The following MEGF11 variants were observed in gnomAD, a reference collection of about 807,000 sequenced individuals.
MEGF11 encodes multiple epidermal growth factor-like domains protein 11.
A neutral mutation model predicts 146.6 loss-of-function variants in MEGF11; 126 were observed. That is an observed-to-expected ratio of 0.86 (90% CI 0.74 to 1.00). The LOEUF is 1.00. Among genes scored for constraint, MEGF11 ranks in the 50% least tolerant of loss-of-function variants. The pLI, the probability that MEGF11 is intolerant of heterozygous loss-of-function variation, is 0.00. For synonymous variants in MEGF11, 532 were observed against 583.4 expected (o/e 0.91, Z 1.27); for missense variants, 1,509 against 1,521.2 (o/e 0.99, Z 0.13).
chr15:65,960,211 T>TGAGTGATGCTAA (rs1307002809), intron 9 of MEGF11, among the ~76,000 whole-genome samples: 4 of 152,262 alleles, frequency 2.6e-5, no homozygotes, highest in Non-Finnish European at 5.9e-5. Context: ...ATTGAGAAAC[T>TGAGTGATGCTAA]GAGTGATGCT....
At chr15:66,132,668 G>A (rs1006512485) in intron 1 of MEGF11, among the ~76,000 whole-genome samples, 7 of 152,132 alleles carry the variant, frequency 4.6e-5, no homozygotes, top group African/African-American at 1.7e-4. Context: ...AAGCTTGCCA[G>A]GATTGATTAG....
At chr15:66,126,901 A>G (rs1597109122) in intron 2 of MEGF11, among the ~76,000 whole-genome samples, 1 of 152,356 alleles carries the variant, frequency 6.6e-6, no homozygotes, top group East Asian at 1.9e-4. Flanking sequence ...TTGAATCAGC[A>G]TCTCCGGGAT....
At chr15:66,251,240 A>T (rs2092365954) in intron 1 of MEGF11, among the ~76,000 whole-genome samples, 1 of 152,060 alleles carries the variant, frequency 6.6e-6, no homozygotes, top group Non-Finnish European at 1.5e-5. Flanking sequence ...CCTTCTTAGG[A>T]CTCAAGCCCT....
In MEGF11 at chr15:66,141,289, T is replaced by TGAGAGAGAGA. The variant is rs1169589606; in HGVS notation, c.-8-12888_-8-12879dup. Among the ~76,000 whole-genome samples, 45 of 101,246 alleles carry TGAGAGAGAGA rather than the reference T, an allele frequency of 4.4e-4. 2 individuals are homozygous for TGAGAGAGAGA. The highest frequency in any genetic ancestry group is 1.5e-3 in the East Asian group (5 of 3,242). The allele number at this position is 101,246 out of a possible 152,430, so 66.4% of individuals were successfully genotyped here. On this transcript the variant is annotated intron_variant, in intron 1 of 25. Transcript: ENST00000395614. ...GTGTGTGTGTGTGTGTGTGTGTGTG[T>TGAGAGAGAGA]GAGAGAGAGAGAGAGAGAGACAGGG...
At chr15:65,932,081 C>G (rs1025571129) in intron 10 of MEGF11, among the ~76,000 whole-genome samples, 6 of 152,162 alleles carry the variant, frequency 3.9e-5, no homozygotes, top group African/African-American at 1.2e-4. Flanking sequence ...TGAGAATAAT[C>G]CCGATAAGGG....
chr15:66,222,437 C>T (rs988784868), intron 1 of MEGF11, among the ~76,000 whole-genome samples: 1 of 152,210 alleles, frequency 6.6e-6, no homozygotes, highest in African/African-American at 2.4e-5. Flanking sequence ...CAGCCACCCA[C>T]AGCCTCTTGC....
intron 5 of MEGF11, among the ~76,000 whole-genome samples, chr15:65,988,540 T>A (rs958748072): frequency 4.6e-5 from 7 of 152,230 alleles, no homozygotes; most frequent in African/African-American, 1.7e-4. Context: ...TTGTTCCACC[T>A]TTTGGTTATT....
chr15:66,104,389 C>T (rs1054315910), intron 4 of MEGF11, among the ~76,000 whole-genome samples: 3 of 152,188 alleles, frequency 2.0e-5, no homozygotes, highest in Non-Finnish European at 4.4e-5. Flanking sequence ...AGCTTAGGAA[C>T]CTCTTACCCT....
At chr15:66,006,237 G>A (rs911117700) in intron 5 of MEGF11, among the ~76,000 whole-genome samples, 4 of 152,160 alleles carry the variant, frequency 2.6e-5, no homozygotes, top group African/African-American at 9.7e-5. Flanking sequence ...CGGGGCTCTG[G>A]CTGCTGTTCT....
intron 4 of MEGF11, among the ~76,000 whole-genome samples, chr15:66,096,321 C>T (rs1001888842): frequency 2.0e-5 from 3 of 152,260 alleles, no homozygotes; most frequent in Admixed American, 6.5e-5. Context: ...TGACTTGCAA[C>T]CTGCCGAGTG....
intron 5 of MEGF11, among the ~76,000 whole-genome samples, chr15:66,014,980 C>A (rs2140134147): frequency 6.6e-6 from 1 of 152,232 alleles, no homozygotes; most frequent in East Asian, 1.9e-4. Context: ...AAAAAAAAGT[C>A]CTGATTTGTA....
intron 4 of MEGF11, among the ~76,000 whole-genome samples, chr15:66,109,588 G>C (rs777817624): frequency 6.6e-6 from 1 of 152,172 alleles, no homozygotes; most frequent in Non-Finnish European, 1.5e-5. Context: ...GGTATGGAGA[G>C]GCAAAACAAC....
At chr15:66,107,843 C>G (rs2087171786) in intron 4 of MEGF11, among the ~76,000 whole-genome samples, 1 of 152,162 alleles carries the variant, frequency 6.6e-6, no homozygotes, top group African/African-American at 2.4e-5. Context: ...GCACTGGGCC[C>G]TACAGATACA....
intron 8 of MEGF11, 147 bp downstream of exon 8, chr15:65,970,406 C>T: frequency 1.1e-6 from 1 of 876,216 alleles, no homozygotes; most frequent in Non-Finnish European, 1.7e-6. Flanking sequence ...GATCAGGTGC[C>T]AACCCTCCCT....
intron 10 of MEGF11, among the ~76,000 whole-genome samples, chr15:65,950,118 A>G (rs1029894477): frequency 2.6e-5 from 4 of 152,116 alleles, no homozygotes; most frequent in Non-Finnish European, 5.9e-5. Flanking sequence ...CCCTTGGTGT[A>G]AATAACAACA....
chr15:66,006,184 G>C (rs531506459), intron 5 of MEGF11, among the ~76,000 whole-genome samples: 1 of 152,326 alleles, frequency 6.6e-6, no homozygotes, highest in Non-Finnish European at 1.5e-5. Context: ...TGAAGGAAGA[G>C]GAGAGGCAGG....
intron 5 of MEGF11, among the ~76,000 whole-genome samples, chr15:66,034,528 T>TC (rs1216657314): frequency 6.6e-6 from 1 of 151,762 alleles, no homozygotes; most frequent in Non-Finnish European, 1.5e-5. Context: ...CAATTGATCC[T>TC]CCCCGCTCAG....
intron 1 of MEGF11, among the ~76,000 whole-genome samples, chr15:66,196,689 C>T (rs2091017897): frequency 6.6e-6 from 1 of 152,118 alleles, no homozygotes; most frequent in Non-Finnish European, 1.5e-5. Context: ...CTACTTTCAA[C>T]CAGGAATTAA....
chr15:66,149,074 C>G (rs2089472551), intron 1 of MEGF11, among the ~76,000 whole-genome samples: 2 of 152,262 alleles, frequency 1.3e-5, no homozygotes, highest in South Asian at 4.1e-4. Flanking sequence ...AGGAGCACCT[C>G]CAGCCTCCTG....
Sources: allele counts gnomAD v4.1 joint callset (sites outside exome capture counted in the v4.1 genomes callset), GRCh38; gene constraint gnomAD v4.1.1; transcripts MANE v1.5; gene names NCBI Gene and HGNC (gene_info 2026-07-23, HGNC 2026-07-21).